The following ELOC variants were observed in gnomAD, a reference collection of about 807,000 sequenced individuals.
ELOC encodes elongin C, also known as elongin-C.
For synonymous variants in ELOC, 40 were observed against 51.3 expected (o/e 0.78, Z 0.94); for missense variants, 38 against 139.0 (o/e 0.27, Z 3.65).
chr8:73,963,527 A>AT (rs1273182444), intron 1 of ELOC, among the ~76,000 whole-genome samples: 3 of 151,820 alleles, frequency 2.0e-5, no homozygotes, highest in Non-Finnish European at 4.4e-5. Flanking sequence ...GCATCCCGTC[A>AT]TTTTTTTTGC....
At chr8:73,963,662 G>C (rs1440374594) in intron 1 of ELOC, among the ~76,000 whole-genome samples, 1 of 151,946 alleles carries the variant, frequency 6.6e-6, no homozygotes, top group Non-Finnish European at 1.5e-5. Context: ...TATTTACTTG[G>C]ATAAAATAAG....
At chr8:73,955,855 A>G in intron 3 of ELOC, 56 bp downstream of exon 3, 1 of 1,514,464 alleles carries the variant, frequency 6.6e-7, no homozygotes, top group Non-Finnish European at 9.0e-7. Context: ...CAACTTAAAA[A>G]CATCCATCAA....
chr8:73,969,185 T>C (rs1815194431), intron 1 of ELOC, among the ~76,000 whole-genome samples: 1 of 152,224 alleles, frequency 6.6e-6, no homozygotes, highest in Admixed American at 6.5e-5. Flanking sequence ...GTAAGTCCCA[T>C]ATAGAACTTC....
intron 1 of ELOC, 110 bp downstream of exon 1, chr8:73,971,967 C>T (rs1459744478): frequency 1.3e-5 from 2 of 152,268 alleles, no homozygotes; most frequent in Non-Finnish European, 2.9e-5. Flanking sequence ...GTTCCTTCCC[C>T]GCCTAGAAGG....
chr8:73,962,931 TA>T (rs1156766975), intron 1 of ELOC, among the ~76,000 whole-genome samples: 9 of 152,204 alleles, frequency 5.9e-5, no homozygotes, highest in Non-Finnish European at 1.0e-4. Context: ...ACCCAATCCA[TA>T]AGTTATCTAA....
upstream of ELOC, chr8:73,972,211 G>C (rs1563693290): frequency 6.6e-6 from 1 of 152,432 alleles, no homozygotes; most frequent in African/African-American, 2.4e-5. Flanking sequence ...CGCTGGGTCA[G>C]AGCCGCTTTC....
intron 1 of ELOC, among the ~76,000 whole-genome samples, chr8:73,971,702 C>T (rs1034445095): frequency 1.3e-5 from 2 of 152,008 alleles, no homozygotes; most frequent in Admixed American, 6.6e-5. Context: ...TCTCCCTGGG[C>T]TAGGGACTGA....
intron 1 of ELOC, among the ~76,000 whole-genome samples, chr8:73,970,867 A>C (rs1481488500): frequency 1.2e-4 from 17 of 139,406 alleles, no homozygotes; most frequent in African/African-American, 4.2e-4. Context: ...AACAAAACAA[A>C]ACAAAAAAAA....
intron 3 of ELOC, among the ~76,000 whole-genome samples, chr8:73,953,209 G>C (rs1162539284): frequency 6.6e-6 from 1 of 152,164 alleles, no homozygotes; most frequent in Non-Finnish European, 1.5e-5. Flanking sequence ...AGGAGGCTGA[G>C]GCATGAGAAT....
rs762993549 is a variant in ELOC, at chr8:73,946,736, G to A, written c.233C>T (p.Thr78Met). Residue 78 changes from threonine (T) to methionine (M), a missense_variant, in exon 4 of 4, where the codon ACG (threonine) becomes ATG (methionine). Coordinates refer to ENST00000520242, the MANE Select transcript of ELOC (RefSeq NM_005648.4). ...GCTGTTAGTGTAGCGAACCTTGTAC[G>A]TAAAATACATGCATACTTTCGATAG... is the stretch of plus-strand genomic sequence containing the variant. Reference protein sequence around the residue: ...HVLSKVCMYFTYKVRYTNSST... With the variant: ...HVLSKVCMYFMYKVRYTNSST... 6.2e-7 allele frequency: 1 copy of A among 1,613,588 alleles called. No individual in the cohort carries two copies.
At chr8:73,948,785 T>C (rs1490024545) in intron 3 of ELOC, among the ~76,000 whole-genome samples, 4 of 152,004 alleles carry the variant, frequency 2.6e-5, no homozygotes, top group Non-Finnish European at 4.4e-5. Flanking sequence ...CAGTGCGCCA[T>C]GATGGCGCCA....
At chr8:73,971,693 C>T (rs1306923528) in intron 1 of ELOC, among the ~76,000 whole-genome samples, 1 of 152,140 alleles carries the variant, frequency 6.6e-6, no homozygotes, top group Non-Finnish European at 1.5e-5. Context: ...CGAGAGACCT[C>T]TCCCTGGGCT....
Position 73,946,925 on chromosome 8 carries a change from G to T in ELOC, c.149-105C>A, listed in dbSNP as rs1813414582. 22 of 917,930 alleles carry T rather than the reference G, an allele frequency of 2.4e-5. No individual in the cohort carries two copies. The South Asian group carries it at 4.3e-4, about 18-fold the overall frequency. The allele number at this position is 917,930 out of a possible 1,614,324, so 56.9% of individuals were successfully genotyped here. A position where few individuals can be genotyped will look rare whatever the true frequency, so the allele number is the denominator to read the frequency against. On this transcript the variant is annotated intron_variant, in intron 3 of 3. Transcript: ENST00000520242. ...ACCACAGAATGTGGCTGTATTTAGA[G>T]ATAAGTTCTTTAAAGAGGTAATTAA...
intron 2 of ELOC, among the ~76,000 whole-genome samples, chr8:73,959,205 A>G (rs1006482199): frequency 2.6e-5 from 4 of 152,180 alleles, no homozygotes; most frequent in East Asian, 1.9e-4. Flanking sequence ...TACAGACTTC[A>G]TAAGTACTGT....
chr8:73,965,405 T>C (rs1814907384), intron 1 of ELOC, among the ~76,000 whole-genome samples: 1 of 152,110 alleles, frequency 6.6e-6, no homozygotes, highest in South Asian at 2.1e-4. Context: ...AATAGGAGAA[T>C]GGATAAATAA....
At chr8:73,952,494 AG>A (rs1813843603) in intron 3 of ELOC, among the ~76,000 whole-genome samples, 1 of 150,458 alleles carries the variant, frequency 6.6e-6, no homozygotes, top group African/African-American at 2.4e-5. Context: ...AAAAAAAAAA[AG>A]ACTGGCCAGG....
intron 1 of ELOC, among the ~76,000 whole-genome samples, chr8:73,967,471 T>TC (rs1018434825): frequency 6.7e-6 from 1 of 148,978 alleles, no homozygotes; most frequent in Non-Finnish European, 1.5e-5. Flanking sequence ...TTCTTTTCTT[T>TC]TTTTTTTTTT....
At chr8:73,969,528 T>C (rs1815217230) in intron 1 of ELOC, 1 of 152,212 alleles carries the variant, frequency 6.6e-6, no homozygotes. Context: ...GCCTTTTTGG[T>C]ATTCCTCGAA....
chr8:73,971,048 AAAAG>A (rs1319932722), intron 1 of ELOC, among the ~76,000 whole-genome samples: 3 of 150,694 alleles, frequency 2.0e-5, no homozygotes, highest in African/African-American at 7.3e-5. Flanking sequence ...AAAAAAAAAA[AAAAG>A]AAAAAGAAAA....
Sources: gnomAD v4.1 joint callset for allele counts (sites outside exome capture counted in the v4.1 genomes callset) on GRCh38, gnomAD v4.1.1 for gene constraint, MANE v1.5 for transcripts, NCBI Gene and HGNC (gene_info 2026-07-23, HGNC 2026-07-21) for gene names.